CHRM3: variants seen among roughly 807,000 people sequenced by gnomAD.
The protein encoded by CHRM3 is muscarinic acetylcholine receptor M3.
Under a neutral mutation model 41.8 loss-of-function variants are expected in CHRM3, and 11 were observed. The ratio of observed to expected loss-of-function variants is 0.26; its 90% CI spans 0.17 to 0.44. The LOEUF is 0.44. Among genes scored for constraint, CHRM3 ranks in the 20% least tolerant of loss-of-function variants. The probability of loss-of-function intolerance (pLI) is 1.00; values close to 1 mark genes in which losing one functional copy is unlikely to be tolerated. For synonymous variants in CHRM3, 297 were observed against 301.4 expected (o/e 0.99, Z 0.15); for missense variants, 571 against 745.4 (o/e 0.77, Z 2.72).
chr1:239,757,173 A>G (rs1666312761), intron 5 of CHRM3, among the ~76,000 whole-genome samples: 1 of 152,238 alleles, frequency 6.6e-6, no homozygotes, highest in Non-Finnish European at 1.5e-5. Context: ...ATTACAATTT[A>G]TATCCTTCAT....
intron 5 of CHRM3, among the ~76,000 whole-genome samples, chr1:239,808,163 T>C (rs1670812819): frequency 1.3e-5 from 2 of 152,132 alleles, no homozygotes; most frequent in Admixed American, 1.3e-4. Context: ...TCAAATTCCA[T>C]GGGAGTTCGA....
intron 2 of CHRM3, among the ~76,000 whole-genome samples, chr1:239,529,204 G>A (rs923222002): frequency 8.5e-5 from 13 of 152,168 alleles, no homozygotes; most frequent in East Asian, 3.9e-4. Context: ...ACCATAGCAC[G>A]TCTTAAGTTT....
chr1:239,632,720 A>G (rs1669984671), intron 4 of CHRM3, among the ~76,000 whole-genome samples: 1 of 152,212 alleles, frequency 6.6e-6, no homozygotes, highest in South Asian at 2.1e-4. Flanking sequence ...ATAAACAGAA[A>G]CATTGTGGAA....
chr1:239,824,364 C>G (rs573299615), intron 5 of CHRM3, among the ~76,000 whole-genome samples: 1 of 152,288 alleles, frequency 6.6e-6, no homozygotes, highest in Admixed American at 6.5e-5. Context: ...CAAATGTAGA[C>G]TTTTTCCCTT....
At chr1:239,447,784 CAA>C (rs1215675650) in intron 1 of CHRM3, among the ~76,000 whole-genome samples, 2 of 104,786 alleles carry the variant, frequency 1.9e-5, no homozygotes, top group Non-Finnish European at 4.6e-5. Context: ...CTCAAAAAAA[CAA>C]ACAAACAAAC....
At chr1:239,889,344 G>C (rs922081937) in intron 6 of CHRM3, among the ~76,000 whole-genome samples, 2 of 152,166 alleles carry the variant, frequency 1.3e-5, no homozygotes, top group Non-Finnish European at 2.9e-5. Context: ...TATTATGCAA[G>C]TAGGTTTTCT....
intron 1 of CHRM3, among the ~76,000 whole-genome samples, chr1:239,406,984 G>A (rs1238324404): frequency 6.6e-6 from 1 of 152,120 alleles, no homozygotes; most frequent in African/African-American, 2.4e-5. Context: ...GATTTCACTT[G>A]AGAGATACTT....
chr1:239,489,032 TA>T (rs1179530187), intron 1 of CHRM3, among the ~76,000 whole-genome samples: 1 of 152,184 alleles, frequency 6.6e-6, no homozygotes, highest in East Asian at 1.9e-4. Context: ...AAAATCTGGT[TA>T]CAAATAAGGA....
intron 5 of CHRM3, among the ~76,000 whole-genome samples, chr1:239,819,669 G>T (rs933827047): frequency 2.0e-5 from 3 of 152,194 alleles, no homozygotes; most frequent in African/African-American, 7.2e-5. Flanking sequence ...AAAGAAGCTC[G>T]TATGGTAAAA....
chr1:239,617,079 T>TAGC (rs1292005594), intron 3 of CHRM3, among the ~76,000 whole-genome samples: 4 of 152,096 alleles, frequency 2.6e-5, no homozygotes, highest in African/African-American at 7.2e-5. Context: ...GGGCATCATT[T>TAGC]AGCATAGCTC....
intron 2 of CHRM3, among the ~76,000 whole-genome samples, chr1:239,527,917 T>A (rs1198875240): frequency 6.6e-6 from 1 of 152,224 alleles, no homozygotes; most frequent in Non-Finnish European, 1.5e-5. Flanking sequence ...TTTTGATTTT[T>A]TTTTTCTTTT....
chr1:239,801,122 C>T (rs1163425974), intron 5 of CHRM3, among the ~76,000 whole-genome samples: 5 of 152,208 alleles, frequency 3.3e-5, no homozygotes, highest in Non-Finnish European at 7.3e-5. Context: ...TGGACTGTTA[C>T]TATAAGCCAG....
At chr1:239,842,227 T>TA (rs1491164128) in intron 6 of CHRM3, among the ~76,000 whole-genome samples, 7 of 126,036 alleles carry the variant, frequency 5.6e-5, no homozygotes, top group African/African-American at 2.0e-4. Flanking sequence ...TTTTTTTTTT[T>TA]GAGGGGGTTG....
chr1:239,830,053 G>A (rs1672773312), intron 6 of CHRM3, among the ~76,000 whole-genome samples: 1 of 152,136 alleles, frequency 6.6e-6, no homozygotes, highest in South Asian at 2.1e-4. Context: ...CCTTGGAACT[G>A]TCATTTAGGA....
chr1:239,465,888 C>T (rs184433549), intron 1 of CHRM3, among the ~76,000 whole-genome samples: 7 of 152,188 alleles, frequency 4.6e-5, no homozygotes, highest in Middle Eastern at 3.4e-3. Context: ...CCCTGCTATC[C>T]GAAGACAGCA....
intron 1 of CHRM3, among the ~76,000 whole-genome samples, chr1:239,409,397 T>C (rs1212708655): frequency 6.6e-6 from 1 of 152,160 alleles, no homozygotes; most frequent in African/African-American, 2.4e-5. Flanking sequence ...ACTGGAGACA[T>C]TGTTTCTTTG....
Position 239,828,947 on chromosome 1 carries a change from C to T in CHRM3, c.-20+1569C>T, listed in dbSNP as rs115760168. Among the ~76,000 whole-genome samples, 1,009 of 152,170 alleles carry T rather than the reference C, an allele frequency of 6.6e-3. 20 individuals carry two copies. The highest frequency in any genetic ancestry group is 0.023 in the African/African-American group (955 of 41,500). On this transcript the variant is annotated intron_variant, in intron 6 of 6. Transcript: ENST00000676153. ...ATTTGGGGCAAATTTAAAGTAGAGCCAAAGGGACCTGCTGATGCATGGGAT... is the reference window on the plus strand; with the variant it reads ...ATTTGGGGCAAATTTAAAGTAGAGCTAAAGGGACCTGCTGATGCATGGGAT...
intron 5 of CHRM3, among the ~76,000 whole-genome samples, chr1:239,739,428 A>G (rs1431148868): frequency 6.6e-6 from 1 of 152,214 alleles, no homozygotes; most frequent in Non-Finnish European, 1.5e-5. Context: ...ATAACATTGC[A>G]TAGCTGTTGA....
rs182636771 is a variant in CHRM3, at chr1:239,464,505, G to A, written c.-520-28204G>A. Among the ~76,000 whole-genome samples the A allele has an allele frequency of 2.9e-3, 448 of 152,028 alleles. 1 individual carries two copies. The highest frequency in any genetic ancestry group is 6.8e-3 in the Middle Eastern group (2 of 294). ...TCTTGCCTGGAACGCCCTCTGTTTC[G>A]TCCCCAAAGTCATAAACAACCTTAC... is the stretch of plus-strand genomic sequence containing the variant. On this transcript the variant is annotated intron_variant, in intron 1 of 6. Transcript: ENST00000676153.
Sources: allele counts gnomAD v4.1 joint callset (sites outside exome capture counted in the v4.1 genomes callset), GRCh38; gene constraint gnomAD v4.1.1; transcripts MANE v1.5; gene names NCBI Gene and HGNC (gene_info 2026-07-23, HGNC 2026-07-21).